SEMA3A: variants seen among roughly 807,000 people sequenced by gnomAD.
The protein encoded by SEMA3A is semaphorin-3A.
In SEMA3A, 29 loss-of-function variants were observed where a neutral mutation model predicts 97.9. The ratio of observed to expected loss-of-function variants is 0.30; its 90% CI spans 0.22 to 0.40. SEMA3A has a LOEUF of 0.40. Ranked by LOEUF, SEMA3A falls within the 10% of genes least tolerant of loss-of-function variation. SEMA3A has a pLI of 1.00. For missense variants in SEMA3A, 763 were observed against 951.3 expected (o/e 0.80, Z 2.60); for synonymous variants, 321 against 323.7 (o/e 0.99, Z 0.09).
intron 16 of SEMA3A, 87 bp downstream of exon 16, chr7:83,963,117 CT>C: frequency 1.4e-6 from 2 of 1,440,622 alleles, no homozygotes; most frequent in Non-Finnish European, 9.6e-7. Context: ...ATTCTCAGTG[CT>C]TTTTCTTTCC....
At chr7:84,036,031 G>C (rs1446483868) in intron 6 of SEMA3A, among the ~76,000 whole-genome samples, 1 of 151,858 alleles carries the variant, frequency 6.6e-6, no homozygotes, top group African/African-American at 2.4e-5. Flanking sequence ...GAGAAGACTG[G>C]GTGTATTTAG....
intron 12 of SEMA3A, among the ~76,000 whole-genome samples, chr7:83,995,018 G>A (rs572533153): frequency 1.4e-4 from 21 of 152,236 alleles, no homozygotes; most frequent in African/African-American, 4.6e-4. Flanking sequence ...TAATCTCTTG[G>A]TGCGCCGTTT....
At chr7:83,991,450 G>C (rs1018631904) in intron 12 of SEMA3A, among the ~76,000 whole-genome samples, 2 of 150,622 alleles carry the variant, frequency 1.3e-5, no homozygotes, top group African/African-American at 2.4e-5. Flanking sequence ...GATATTGGCT[G>C]TGGGTATGTC....
intron 12 of SEMA3A, among the ~76,000 whole-genome samples, chr7:83,999,062 G>A (rs1790333405): frequency 6.6e-6 from 1 of 152,156 alleles, no homozygotes; most frequent in Non-Finnish European, 1.5e-5. Context: ...AGTAGAAGGA[G>A]TACAATGTAA....
chr7:84,104,876 C>G (rs1795062574), intron 4 of SEMA3A, among the ~76,000 whole-genome samples: 1 of 152,136 alleles, frequency 6.6e-6, no homozygotes, highest in South Asian at 2.1e-4. Flanking sequence ...AATGATGGTA[C>G]TTTATTAAGC....
chr7:84,014,247 CAG>C lies in SEMA3A; in HGVS notation c.770_771del (p.Ser257TrpfsTer7). On this transcript the variant is annotated frameshift_variant, in exon 7 of 17. Transcript: ENST00000265362. LOFTEE classifies it high-confidence loss of function. ...FRENAIDGEH[S>X]GKATHARIGQ... ...CCTATTCTAGCGTGAGTAGCTTTTC[CAG>C]AGTGTTCTCCATCTATTGCATTTTC... 6.2e-7 allele frequency: 1 copy of C among 1,613,510 alleles called. No individual in the cohort carries two copies. Among genetic ancestry groups the C allele is most frequent in the Non-Finnish European group, 8.5e-7 (1 of 1,179,780 alleles).
At chr7:84,477,031 C>A (rs1284620988) in intron 1 of SEMA3A, among the ~76,000 whole-genome samples, 2 of 145,286 alleles carry the variant, frequency 1.4e-5, no homozygotes, top group African/African-American at 5.1e-5. Context: ...GAGTAAAAAG[C>A]AGTATGGTAG....
intron 1 of SEMA3A, among the ~76,000 whole-genome samples, chr7:84,418,422 C>T (rs898381935): frequency 6.6e-6 from 1 of 152,010 alleles, no homozygotes; most frequent in Admixed American, 6.6e-5. Flanking sequence ...GATTCCATTA[C>T]CTCCCACCAG....
chr7:83,994,009 T>G lies in SEMA3A; in HGVS notation c.1452+7946A>C, dbSNP rs1349897491. On this transcript the variant is annotated intron_variant, in intron 12 of 16. Transcript: ENST00000265362. ...GTCCCATATTTCTTGGAGGCTTTGC[T>G]CATTTCTTTTTATTCTTTTTTCTCT... 7.0e-4 allele frequency among the ~76,000 whole-genome samples: 100 copies of G among 143,126 alleles called. 1 individual carries two copies. The East Asian group carries it at 0.014, about 20-fold the overall frequency. The allele number at this position is 143,126 out of a possible 152,430, so 93.9% of individuals were successfully genotyped here.
At chr7:84,192,318 G>A (rs1161113057) in intron 1 of SEMA3A, among the ~76,000 whole-genome samples, 1 of 151,836 alleles carries the variant, frequency 6.6e-6, no homozygotes, top group Non-Finnish European at 1.5e-5. Context: ...AGACAAAAAG[G>A]TAATGACAGA....
At chr7:84,190,561 C>A (rs986202276) in intron 1 of SEMA3A, among the ~76,000 whole-genome samples, 4 of 151,038 alleles carry the variant, frequency 2.6e-5, no homozygotes, top group Non-Finnish European at 4.5e-5. Context: ...ACAACTCCCA[C>A]ATATGTTTCC....
intron 4 of SEMA3A, among the ~76,000 whole-genome samples, chr7:84,061,885 T>C (rs951401314): frequency 3.3e-5 from 5 of 152,198 alleles, no homozygotes; most frequent in African/African-American, 4.8e-5. Flanking sequence ...AGGTTAGTTC[T>C]AAAATCTATA....
At chr7:84,316,598 GTAGA>G (rs531124780) in intron 2 of SEMA3A, among the ~76,000 whole-genome samples, 179 of 152,198 alleles carry the variant, frequency 1.2e-3, no homozygotes, top group African/African-American at 4.1e-3. Flanking sequence ...CATTAAGAGA[GTAGA>G]TAGAGATAGA....
At chr7:84,108,977 C>T (rs532320056) in intron 4 of SEMA3A, among the ~76,000 whole-genome samples, 12 of 150,778 alleles carry the variant, frequency 8.0e-5, no homozygotes, top group East Asian at 2.0e-4. Flanking sequence ...TAATTCCTGA[C>T]GCATGTAAAA....
At chr7:83,975,924 C>T (rs1402580242) in intron 15 of SEMA3A, among the ~76,000 whole-genome samples, 1 of 152,064 alleles carries the variant, frequency 6.6e-6, no homozygotes, top group African/African-American at 2.4e-5. Flanking sequence ...AATAAATGCA[C>T]CATACTAATG....
At chr7:84,254,571 A>G (rs1799674460) in intron 3 of SEMA3A, among the ~76,000 whole-genome samples, 1 of 152,174 alleles carries the variant, frequency 6.6e-6, no homozygotes, top group Non-Finnish European at 1.5e-5. Flanking sequence ...TGGGAATTCT[A>G]AATATTGTAC....
chr7:84,348,183 G>A (rs1018807442), intron 2 of SEMA3A, among the ~76,000 whole-genome samples: 3 of 152,076 alleles, frequency 2.0e-5, no homozygotes, highest in Non-Finnish European at 2.9e-5. Flanking sequence ...AAAAATTAAT[G>A]TGGCTTTGCT....
At chr7:84,484,236 C>T (rs1806518424) in intron 1 of SEMA3A, among the ~76,000 whole-genome samples, 1 of 151,792 alleles carries the variant, frequency 6.6e-6, no homozygotes, top group Non-Finnish European at 1.5e-5. Context: ...TAAAGTTACA[C>T]ATTAAATAAT....
intron 1 of SEMA3A, among the ~76,000 whole-genome samples, chr7:84,484,514 C>T (rs1002537819): frequency 4.0e-5 from 6 of 151,240 alleles, no homozygotes; most frequent in Non-Finnish European, 8.8e-5. Context: ...GACGGTTTTA[C>T]TTATGCATGC....
Sources: allele counts gnomAD v4.1 joint callset (sites outside exome capture counted in the v4.1 genomes callset), GRCh38; gene constraint gnomAD v4.1.1; transcripts MANE v1.5; gene names NCBI Gene and HGNC (gene_info 2026-07-23, HGNC 2026-07-21).